SCUBE1: variants seen among roughly 807,000 people sequenced by gnomAD.
SCUBE1 encodes signal peptide, CUB and EGF-like domain-containing protein 1.
Under a neutral mutation model 124.4 loss-of-function variants are expected in SCUBE1, and 59 were observed. That is an observed-to-expected ratio of 0.47 (90% CI 0.38 to 0.59). The LOEUF is 0.59. Ranked by LOEUF, SCUBE1 falls within the 20% of genes least tolerant of loss-of-function variation. The probability of loss-of-function intolerance (pLI) is 0.00; values close to 1 mark genes in which losing one functional copy is unlikely to be tolerated. For synonymous variants in SCUBE1, 545 were observed against 550.9 expected, an observed-to-expected ratio of 0.99 and a Z score of 0.15; for missense variants, 1,150 against 1,371.2, an observed-to-expected ratio of 0.84 and a Z score of 2.55.
In SCUBE1 at chr22:43,203,268, G is replaced by A. The variant is rs1041575059; in HGVS notation, c.*729C>T. 1 of 151,928 alleles carries A rather than the reference G, an allele frequency of 6.6e-6. No individual in the cohort carries two copies. The highest frequency in any genetic ancestry group is 1.5e-5 in the Non-Finnish European group (1 of 68,008). The allele number at this position is 151,928 out of a possible 1,614,324, so 9.4% of individuals were successfully genotyped here. A position where few individuals can be genotyped will look rare whatever the true frequency, so the allele number is the denominator to read the frequency against. Reference sequence around the variant, plus strand: ...TCGTTCAGGGAGGCTGATAGCTGCTGGGACTCACTGGGCTCATGCGGGAAG... The same window carrying A: ...TCGTTCAGGGAGGCTGATAGCTGCTAGGACTCACTGGGCTCATGCGGGAAG... On this transcript the variant is annotated 3_prime_UTR_variant, in exon 22 of 22. Coordinates refer to ENST00000360835, the MANE Select transcript of SCUBE1 (RefSeq NM_173050.5).
At chr22:43,286,559 T>C (rs1232671949) in intron 4 of SCUBE1, among the ~76,000 whole-genome samples, 1 of 152,190 alleles carries the variant, frequency 6.6e-6, no homozygotes. Context: ...ATAGCAACAG[T>C]TCACCAGGTG....
intron 21 of SCUBE1, 74 bp downstream of exon 21, chr22:43,207,460 G>C (rs34576033): frequency 8.5e-7 from 1 of 1,181,844 alleles, no homozygotes; most frequent in East Asian, 2.3e-5. Flanking sequence ...CCAGGGCTGG[G>C]GCAGGGGCGG....
chr22:43,301,546 C>A (rs1002959249), intron 3 of SCUBE1, among the ~76,000 whole-genome samples: 6 of 152,160 alleles, frequency 3.9e-5, no homozygotes, highest in African/African-American at 1.4e-4. Flanking sequence ...CCTCCTTCTC[C>A]TTCAGACCTC....
At chr22:43,262,930 T>C (rs550806612) in intron 4 of SCUBE1, 85 bp from the exon 5 acceptor site, 43 of 1,457,608 alleles carry the variant, frequency 3.0e-5, no homozygotes, top group South Asian at 7.1e-5. Flanking sequence ...GGATAGCCAA[T>C]GATATGTAAC....
At chr22:43,299,267 G>A (rs1396601541) in intron 3 of SCUBE1, among the ~76,000 whole-genome samples, 1 of 152,166 alleles carries the variant, frequency 6.6e-6, no homozygotes, top group Non-Finnish European at 1.5e-5. Flanking sequence ...GTGAGCAGGT[G>A]CAGCACGAAG....
At chr22:43,281,964 C>T (rs1256642429) in intron 4 of SCUBE1, 2 of 152,464 alleles carry the variant, frequency 1.3e-5, no homozygotes, top group African/African-American at 2.4e-5. Flanking sequence ...GACGAGGACT[C>T]CTCTGGCCAA....
intron 2 of SCUBE1, among the ~76,000 whole-genome samples, chr22:43,321,070 G>A (rs763435630): frequency 2.6e-5 from 4 of 152,198 alleles, no homozygotes; most frequent in Non-Finnish European, 5.9e-5. Flanking sequence ...GGGGAGAGAG[G>A]AGGGCCGGAA....
intron 1 of SCUBE1, among the ~76,000 whole-genome samples, chr22:43,341,538 T>C (rs1927317492): frequency 6.6e-6 from 1 of 152,098 alleles, no homozygotes; most frequent in South Asian, 2.1e-4. Context: ...CCTAGGCAGG[T>C]GTCTTCACTG....
intron 2 of SCUBE1, among the ~76,000 whole-genome samples, chr22:43,325,187 C>T (rs1926681849): frequency 1.3e-5 from 2 of 151,944 alleles, no homozygotes; most frequent in African/African-American, 2.4e-5. Flanking sequence ...ACCTTGTCTT[C>T]AGGCCCCCAG....
At chr22:43,219,968 T>C (rs1309762780) in intron 14 of SCUBE1, among the ~76,000 whole-genome samples, 1 of 152,106 alleles carries the variant, frequency 6.6e-6, no homozygotes, top group Non-Finnish European at 1.5e-5. Context: ...GCCAGGCCCA[T>C]ACCACACTTA....
In SCUBE1 at chr22:43,285,382, T is replaced by G. The variant is rs2413753; in HGVS notation, c.484+5664A>C. ...GCCCACCTTCCTCTCTTCCTTCCCC[T>G]CTCTGTCCTTTCCAAAGGCCCAAGT... On this transcript the variant is annotated intron_variant, in intron 4 of 21. Transcript: ENST00000360835. 5.9e-3 allele frequency among the ~76,000 whole-genome samples: 893 copies of G among 152,258 alleles called. 12 individuals carry two copies. Among genetic ancestry groups the G allele is most frequent in the African/African-American group, 0.02 (818 of 41,542 alleles).
At chr22:43,306,732 C>G (rs532784363) in intron 3 of SCUBE1, among the ~76,000 whole-genome samples, 1 of 152,290 alleles carries the variant, frequency 6.6e-6, no homozygotes, top group Non-Finnish European at 1.5e-5. Flanking sequence ...CACCAGCATG[C>G]CCCTTTCCAG....
chr22:43,253,333 C>A (rs974439111), intron 6 of SCUBE1, among the ~76,000 whole-genome samples: 3 of 151,790 alleles, frequency 2.0e-5, no homozygotes, highest in African/African-American at 7.3e-5. Flanking sequence ...AGACTTGAGG[C>A]CCCCGGACTG....
chr22:43,244,996 G>GGACCTCT (rs1008336061), intron 6 of SCUBE1, among the ~76,000 whole-genome samples: 132 of 152,328 alleles, frequency 8.7e-4, no homozygotes, highest in African/African-American at 2.9e-3. Context: ...GCAGATCTGG[G>GGACCTCT]GACCTCTGAC....
chr22:43,262,873 G>A, intron 4 of SCUBE1, 28 bp from the exon 5 acceptor site: 1 of 1,597,168 alleles, frequency 6.3e-7, no homozygotes, highest in Non-Finnish European at 8.6e-7. Context: ...CAAGAGACGG[G>A]TTGAAGACCA....
At chr22:43,263,871 G>C (rs912574668) in intron 4 of SCUBE1, among the ~76,000 whole-genome samples, 7 of 152,200 alleles carry the variant, frequency 4.6e-5, no homozygotes, top group Non-Finnish European at 8.8e-5. Flanking sequence ...TAAGCAACGA[G>C]TTAGCACGGA....
chr22:43,306,482 G>A (rs1336251171), intron 3 of SCUBE1, among the ~76,000 whole-genome samples: 1 of 152,104 alleles, frequency 6.6e-6, no homozygotes, highest in Non-Finnish European at 1.5e-5. Context: ...ACCTACAAAG[G>A]TAGGGTGGCA....
intron 9 of SCUBE1, among the ~76,000 whole-genome samples, chr22:43,228,775 C>T (rs1366588647): frequency 1.3e-5 from 2 of 152,224 alleles, no homozygotes; most frequent in African/African-American, 4.8e-5. Flanking sequence ...GGTGCCCCCG[C>T]TCCTGGCCCG....
At chr22:43,249,611 C>G (rs572778668) in intron 6 of SCUBE1, among the ~76,000 whole-genome samples, 1 of 152,346 alleles carries the variant, frequency 6.6e-6, no homozygotes, top group South Asian at 2.1e-4. Context: ...GCCCTTCCAT[C>G]CTTTCTTTCC....
Sources: allele counts gnomAD v4.1 joint callset (sites outside exome capture counted in the v4.1 genomes callset), GRCh38; gene constraint gnomAD v4.1.1; transcripts MANE v1.5; gene names NCBI Gene and HGNC (gene_info 2026-07-23, HGNC 2026-07-21).